RAPGEF6: variants seen among roughly 807,000 people sequenced by gnomAD.
The protein encoded by RAPGEF6 is PDZ domain containing guanine nucleotide exchange factor (GEF) 2.
Under a neutral mutation model 171.4 loss-of-function variants are expected in RAPGEF6, and 56 were observed. The ratio of observed to expected loss-of-function variants is 0.33; its 90% CI spans 0.26 to 0.41. The LOEUF (loss-of-function observed/expected upper bound fraction) is 0.41, where lower values mean the gene tolerates loss of function less well. Among genes scored for constraint, RAPGEF6 ranks in the 10% least tolerant of loss-of-function variants. RAPGEF6 has a pLI of 1.00. For missense variants in RAPGEF6, 1,674 were observed against 1,921.4 expected (o/e 0.87, Z 2.41); for synonymous variants, 692 against 650.1 (o/e 1.06, Z -0.98).
chr5:131,575,298 G>A (rs866218568), intron 4 of RAPGEF6, among the ~76,000 whole-genome samples: 10 of 151,978 alleles, frequency 6.6e-5, no homozygotes, highest in Non-Finnish European at 1.2e-4. Context: ...CTTTCCATCC[G>A]TTTCTCACCT....
At chr5:131,439,748 C>T (rs770144082) in intron 23 of RAPGEF6, 33 bp from the exon 24 acceptor site, 6 of 1,603,272 alleles carry the variant, frequency 3.7e-6, no homozygotes, top group Middle Eastern at 4.5e-4. Context: ...AAATAAGCAT[C>T]GTTTCACAAT....
intron 1 of RAPGEF6, among the ~76,000 whole-genome samples, chr5:131,609,127 T>G (rs1021870253): frequency 5.3e-5 from 8 of 152,126 alleles, no homozygotes; most frequent in African/African-American, 1.9e-4. Context: ...CCTTTCACTT[T>G]TTGCCATGAG....
intron 6 of RAPGEF6, among the ~76,000 whole-genome samples, chr5:131,538,662 C>T (rs1445880667): frequency 1.3e-5 from 2 of 152,072 alleles, no homozygotes; most frequent in African/African-American, 4.8e-5. Context: ...ACTGAGGGAC[C>T]ATGGTACATT....
At chr5:131,452,049 T>C (rs185877390) in intron 21 of RAPGEF6, among the ~76,000 whole-genome samples, 339 of 152,220 alleles carry the variant, frequency 2.2e-3, no homozygotes, top group Middle Eastern at 0.01. Flanking sequence ...TGAAACCTTG[T>C]CTCTACTAAA....
chr5:131,440,014 T>C (rs1255301610), intron 23 of RAPGEF6: 2 of 422,796 alleles, frequency 4.7e-6, no homozygotes, highest in African/African-American at 4.1e-5. Context: ...CTCCCACAAT[T>C]GACACAGTGA....
rs1758751057 is a variant in RAPGEF6, at chr5:131,524,613, AG to A, written c.496-3093del. 1.8e-4 allele frequency among the ~76,000 whole-genome samples: 4 copies of A among 21,676 alleles called. No individual in the cohort carries two copies. In the Admixed American group the frequency reaches 2.7e-3, roughly 15 times the overall value. The allele number at this position is 21,676 out of a possible 152,430, so 14.2% of individuals were successfully genotyped here. A position where few individuals can be genotyped will look rare whatever the true frequency, so the allele number is the denominator to read the frequency against. On this transcript the variant is annotated intron_variant, in intron 6 of 27. Coordinates refer to ENST00000509018, the MANE Select transcript of RAPGEF6 (RefSeq NM_016340.6). Reference sequence around the variant, plus strand: ...AGGGAGGGGGGAGAGAGAGATTGAGAGAGAGAGAGAGAGAGAGAGAGAGAGA... The same window carrying A: ...AGGGAGGGGGGAGAGAGAGATTGAGAAGAGAGAGAGAGAGAGAGAGAGAGA...
chr5:131,635,208 G>A lies in RAPGEF6; in HGVS notation c.-178C>T. 1.6e-6 allele frequency: 1 copy of A among 611,372 alleles called. No homozygotes were observed. The highest frequency in any genetic ancestry group is 2.7e-6 in the Non-Finnish European group (1 of 365,106). 37.9% of individuals were successfully genotyped at this position (611,372 alleles called of 1,614,324 possible). A position where few individuals can be genotyped will look rare whatever the true frequency, so the allele number is the denominator to read the frequency against. ...GCCCGCCTAAGGCCTCTACCCACGC[G>A]CGACTGGCCGGAGACAAGTCTGCGC... is the stretch of plus-strand genomic sequence containing the variant. On this transcript the variant is annotated 5_prime_UTR_variant, in exon 1 of 28. Transcript: ENST00000509018.
chr5:131,545,564 C>G (rs935482126), intron 6 of RAPGEF6, among the ~76,000 whole-genome samples: 2 of 152,172 alleles, frequency 1.3e-5, no homozygotes, highest in Non-Finnish European at 2.9e-5. Flanking sequence ...CTCTCATAAA[C>G]ATGATTAAGA....
In RAPGEF6 at chr5:131,635,026, T is replaced by C; in HGVS notation, c.5A>G (p.Asn2Ser). The C allele has an allele frequency of 6.2e-7, 1 of 1,607,874 alleles. No homozygotes were observed. Residue 2 changes from asparagine (N) to serine (S), a missense_variant, in exon 1 of 28, where the codon AAC becomes AGC. Coordinates refer to ENST00000509018, the MANE Select transcript of RAPGEF6 (RefSeq NM_016340.6). M[N>S]SPVDPGARQA... ...CCTAGCGCCAGGGTCCACGGGTGAG[T>C]TCATGGCCACGGCCCGGGTACTCCG... is the stretch of plus-strand genomic sequence containing the variant.
chr5:131,468,231 C>T (rs1461918315), intron 17 of RAPGEF6, among the ~76,000 whole-genome samples: 1 of 148,782 alleles, frequency 6.7e-6, no homozygotes, highest in Non-Finnish European at 1.5e-5. Flanking sequence ...ACTCGGGAGG[C>T]TGAGGCAGGA....
chr5:131,489,605 G>A lies in RAPGEF6; in HGVS notation c.1781C>T (p.Ala594Val). The change falls in exon 15 of 28, where the codon GCC becomes GTC. Residue 594 changes from alanine to valine, a missense_variant. Around this residue, in one of 3 missense-constraint regions of RAPGEF6, gnomAD observed 1,116 missense variants for 1,321.5 expected, o/e 0.84. Coordinates refer to ENST00000509018, the MANE Select transcript of RAPGEF6 (RefSeq NM_016340.6). ...AGTATTATTCCTCAAAATTTCAACG[G>A]CTTTCATAAATGTAATATTCTCAAA... ...QNFENITFMK[A>V]VEILRNNTHL... 6.3e-7 allele frequency: 1 copy of A among 1,597,602 alleles called. No individual in the cohort carries two copies. The highest frequency in any genetic ancestry group is 1.8e-5 in the Admixed American group (1 of 57,084).
intron 1 of RAPGEF6, among the ~76,000 whole-genome samples, chr5:131,618,385 C>T (rs1002409165): frequency 6.6e-6 from 1 of 152,072 alleles, no homozygotes; most frequent in African/African-American, 2.4e-5. Flanking sequence ...AATCCCAGCA[C>T]TTTGGGAGGT....
intron 4 of RAPGEF6, among the ~76,000 whole-genome samples, chr5:131,579,724 C>T (rs932182600): frequency 6.6e-6 from 1 of 152,152 alleles, no homozygotes; most frequent in African/African-American, 2.4e-5. Flanking sequence ...TAGCTAGACA[C>T]AGAGCACTGA....
In RAPGEF6 at chr5:131,635,219, G is replaced by T. The variant is rs1296524025; in HGVS notation, c.-189C>A. On this transcript the variant is annotated 5_prime_UTR_variant, in exon 1 of 28. Transcript: ENST00000509018. ...GCCTCTACCCACGCGCGACTGGCCG[G>T]AGACAAGTCTGCGCGGGGGCGGGGG... The T allele has an allele frequency of 8.7e-6, 5 of 574,434 alleles. No homozygotes were observed. Among genetic ancestry groups the T allele is most frequent in the Non-Finnish European group, 1.5e-5 (5 of 334,176 alleles). 35.6% of individuals were successfully genotyped at this position (574,434 alleles called of 1,614,324 possible).
Position 131,587,412 on chromosome 5 carries a change from G to A in RAPGEF6, c.281+4971C>T, listed in dbSNP as rs181209318. Among the ~76,000 whole-genome samples the A allele has an allele frequency of 8.8e-3, 1,343 of 152,348 alleles. 24 individuals are homozygous for A. Among genetic ancestry groups the A allele is most frequent in the African/African-American group, 0.031 (1,275 of 41,562 alleles). ...AAACTGGTGTTGAGGAAAAGTAAGA[G>A]AGTAGATTTAAGAAAAGGCATGGAA... On this transcript the variant is annotated intron_variant, in intron 4 of 27. Coordinates refer to ENST00000509018, the MANE Select transcript of RAPGEF6 (RefSeq NM_016340.6).
At chr5:131,532,310 G>A (rs572168699) in intron 6 of RAPGEF6, 6 of 238,216 alleles carry the variant, frequency 2.5e-5, no homozygotes, top group South Asian at 2.2e-4. Flanking sequence ...CTGAAATCAG[G>A]AGCTTTCAGT....
At chr5:131,552,221 G>C (rs1760965502) in intron 5 of RAPGEF6, among the ~76,000 whole-genome samples, 1 of 151,708 alleles carries the variant, frequency 6.6e-6, no homozygotes, top group Non-Finnish European at 1.5e-5. Context: ...ACAAGGGTAA[G>C]CAAGATACAA....
At chr5:131,433,305 A>G (rs1751821934) in intron 25 of RAPGEF6, 125 bp downstream of exon 25, 1 of 733,090 alleles carries the variant, frequency 1.4e-6, no homozygotes. Context: ...TGCTTGGCCC[A>G]CATATTCTTT....
chr5:131,493,089 G>A lies in RAPGEF6; in HGVS notation c.1528-304C>T, dbSNP rs190695465. Among the ~76,000 whole-genome samples the A allele has an allele frequency of 6.8e-3, 1,032 of 151,872 alleles. 15 individuals are homozygous for A. The highest frequency in any genetic ancestry group is 0.02 in the South Asian group (96 of 4,798). Reference sequence around the variant, plus strand: ...TTTATTTATTTATTTTTTTGAGACGGAGCCTCGCTCTGTCGCCCAGGCTGG... The same window carrying A: ...TTTATTTATTTATTTTTTTGAGACGAAGCCTCGCTCTGTCGCCCAGGCTGG... On this transcript the variant is annotated intron_variant, in intron 13 of 27. Coordinates refer to ENST00000509018, the MANE Select transcript of RAPGEF6 (RefSeq NM_016340.6).
Sources: gnomAD v4.1 joint callset for allele counts (sites outside exome capture counted in the v4.1 genomes callset) on GRCh38, gnomAD v4.1.1 for gene constraint, gnomAD v4.1.1 regional missense constraint, MANE v1.5 for transcripts, NCBI Gene and HGNC (gene_info 2026-07-23, HGNC 2026-07-21) for gene names.